UMAD1: variants seen among roughly 807,000 people sequenced by gnomAD.
UMAD1 encodes the protein UBAP1-MVB12-associated (UMA)-domain containing protein 1.
Under a neutral mutation model 6.1 loss-of-function variants are expected in UMAD1, and 8 were observed. The ratio of observed to expected loss-of-function variants is 1.30; its 90% confidence interval spans 0.76 to 2.35. The LOEUF is 2.35. Among genes scored for constraint, UMAD1 ranks in the 30% most tolerant of loss-of-function variants. The pLI is 0.00. For synonymous variants in UMAD1, 56 were observed against 31.4 expected (o/e 1.78, Z -2.61); for missense variants, 130 against 78.4 (o/e 1.66, Z -2.49).
At chr7:7,815,106 T>C (rs1783099729) in intron 3 of UMAD1, among the ~76,000 whole-genome samples, 1 of 152,136 alleles carries the variant, frequency 6.6e-6, no homozygotes, top group Admixed American at 6.5e-5. Flanking sequence ...CTTTCTAACT[T>C]AGAGAGAAAG....
Position 7,826,544 on chromosome 7 carries a change from A to G in UMAD1, c.156+24801A>G, listed in dbSNP as rs909488975. Among the ~76,000 whole-genome samples, 5 of 152,168 alleles carry G rather than the reference A, an allele frequency of 3.3e-5. No individual in the cohort carries two copies. In the South Asian group the frequency reaches 6.2e-4, roughly 19 times the overall value. ...ATTTCTTTCGCCTCAATTGGTGAAT[A>G]GAAAAATGGTTCTTGATTTTTCACC... On this transcript the variant is annotated intron_variant, in intron 3 of 3. Coordinates refer to ENST00000682710, the MANE Select transcript of UMAD1 (RefSeq NM_001302348.2).
intron 2 of UMAD1, among the ~76,000 whole-genome samples, chr7:7,778,124 GT>G (rs1233555141): frequency 6.6e-6 from 1 of 151,974 alleles, no homozygotes; most frequent in Non-Finnish European, 1.5e-5. Context: ...GCAATATTAG[GT>G]TCTCTGAAAA....
intron 3 of UMAD1, among the ~76,000 whole-genome samples, chr7:7,851,710 C>G (rs1783921386): frequency 6.6e-6 from 1 of 152,146 alleles, no homozygotes; most frequent in Admixed American, 6.5e-5. Flanking sequence ...TACTCATATC[C>G]TTCGCTTATT....
At chr7:7,854,286 C>A (rs148588614) in intron 3 of UMAD1, among the ~76,000 whole-genome samples, 80 of 130,764 alleles carry the variant, frequency 6.1e-4, no homozygotes, top group African/African-American at 2.3e-3. Context: ...ACCCGGGAGG[C>A]AGAGGTTGTG....
intron 3 of UMAD1, among the ~76,000 whole-genome samples, chr7:7,812,642 A>G (rs1783042569): frequency 6.6e-6 from 1 of 152,122 alleles, no homozygotes. Flanking sequence ...TTGAGATATT[A>G]TTATTTAAAA....
chr7:7,820,074 T>G, intron 3 of UMAD1, among the ~76,000 whole-genome samples: 1 of 152,148 alleles, frequency 6.6e-6, no homozygotes, highest in East Asian at 1.9e-4. Context: ...CTCAGGCAAA[T>G]TTTAGGGCAT....
chr7:7,708,862 A>C lies in UMAD1; in HGVS notation c.82+35409A>C, dbSNP rs181765737. Among the ~76,000 whole-genome samples, 46 of 152,184 alleles carry C rather than the reference A, an allele frequency of 3.0e-4. 1 individual carries two copies. The highest frequency in any genetic ancestry group is 1.1e-3 in the African/African-American group (44 of 41,534). ...CAAATGCATATGTATATATACAAATACAGGCAGTTGTATGTTTTTAAGAAG... is the reference window on the plus strand; with the variant it reads ...CAAATGCATATGTATATATACAAATCCAGGCAGTTGTATGTTTTTAAGAAG... On this transcript the variant is annotated intron_variant, in intron 2 of 3. Coordinates refer to ENST00000682710, the MANE Select transcript of UMAD1 (RefSeq NM_001302348.2).
At chr7:7,854,540 C>T (rs1783979110) in intron 3 of UMAD1, among the ~76,000 whole-genome samples, 1 of 151,934 alleles carries the variant, frequency 6.6e-6, no homozygotes, top group African/African-American at 2.4e-5. Flanking sequence ...CTTGTGAGAA[C>T]TCACTATCAC....
intron 1 of UMAD1, among the ~76,000 whole-genome samples, chr7:7,644,189 T>TTGAAC (rs1433154466): frequency 6.6e-6 from 1 of 152,226 alleles, no homozygotes; most frequent in Admixed American, 6.5e-5. Context: ...ACTGAAAAGT[T>TTGAAC]TGAACATTTT....
At chr7:7,735,344 T>A (rs1219503017) in intron 2 of UMAD1, among the ~76,000 whole-genome samples, 1 of 151,976 alleles carries the variant, frequency 6.6e-6, no homozygotes, top group Non-Finnish European at 1.5e-5. Flanking sequence ...AGACTTTTAA[T>A]CCAAGCTTAA....
At chr7:7,815,931 G>A (rs537480838) in intron 3 of UMAD1, among the ~76,000 whole-genome samples, 1 of 152,276 alleles carries the variant, frequency 6.6e-6, no homozygotes, top group African/African-American at 2.4e-5. Flanking sequence ...GGAGGTGGGG[G>A]AGGACAAATA....
chr7:7,847,102 AAAATATATATATATATATAT>A lies in UMAD1; in HGVS notation c.157-30177_157-30158del, dbSNP rs1306001899. Reference sequence around the variant, plus strand: ...GACAGCAATGCAAAAAAAAAAAAAAAAAATATATATATATATATATATATATATATATATATATATATATA... The same window carrying A: ...GACAGCAATGCAAAAAAAAAAAAAAAATATATATATATATATATATATATA... On this transcript the variant is annotated intron_variant, in intron 3 of 3. Transcript: ENST00000682710. Among the ~76,000 whole-genome samples the A allele has an allele frequency of 2.8e-3, 56 of 20,258 alleles. 6 individuals carry two copies. The highest frequency in any genetic ancestry group is 0.017 in the African/African-American group (52 of 3,124). 13.3% of individuals were successfully genotyped at this position (20,258 alleles called of 152,430 possible).
Position 7,762,623 on chromosome 7 carries a change from G to A in UMAD1, c.83-39047G>A, listed in dbSNP as rs937181251. On this transcript the variant is annotated intron_variant, in intron 2 of 3. Transcript: ENST00000682710. ...TTCAAGAGAGACTTGCTTAGTGGGAGAAGTAGATGCATATGCAACTGCTCC... is the reference window on the plus strand; with the variant it reads ...TTCAAGAGAGACTTGCTTAGTGGGAAAAGTAGATGCATATGCAACTGCTCC... Among the ~76,000 whole-genome samples the A allele has an allele frequency of 2.6e-5, 4 of 152,178 alleles. No homozygotes were observed. The South Asian group carries it at 8.3e-4, about 32-fold the overall frequency.
rs74407705 is a variant in UMAD1, at chr7:7,836,233, A to G, written c.156+34490A>G. Among the ~76,000 whole-genome samples the G allele has an allele frequency of 3.2e-4, 48 of 152,104 alleles. 1 individual carries two copies. In the East Asian group the frequency reaches 5.4e-3, roughly 17 times the overall value. On this transcript the variant is annotated intron_variant, in intron 3 of 3. Coordinates refer to ENST00000682710, the MANE Select transcript of UMAD1 (RefSeq NM_001302348.2). ...TAATTTTAGTGGTAAACGTGTTTAC[A>G]TATTACTTTATAAATGTCTTCAGTA...
intron 1 of UMAD1, among the ~76,000 whole-genome samples, chr7:7,660,328 A>T (rs1285271794): frequency 1.3e-5 from 2 of 152,144 alleles, no homozygotes; most frequent in East Asian, 3.9e-4. Context: ...TTATGTGTGA[A>T]TTTGATCCTG....
intron 3 of UMAD1, among the ~76,000 whole-genome samples, chr7:7,804,696 A>T (rs1024878702): frequency 6.6e-6 from 1 of 151,950 alleles, no homozygotes; most frequent in Non-Finnish European, 1.5e-5. Flanking sequence ...AAATACAAAA[A>T]TGAGGCCGGG....
At chr7:7,655,757 T>C (rs1199871682) in intron 1 of UMAD1, among the ~76,000 whole-genome samples, 1 of 151,986 alleles carries the variant, frequency 6.6e-6, no homozygotes, top group African/African-American at 2.4e-5. Flanking sequence ...AGGCTCTTTT[T>C]TATGTATTTT....
intron 1 of UMAD1, among the ~76,000 whole-genome samples, chr7:7,647,151 A>T (rs1310100319): frequency 6.6e-6 from 1 of 152,170 alleles, no homozygotes; most frequent in Non-Finnish European, 1.5e-5. Context: ...GTTATCTTTG[A>T]CTAGAGCTTT....
chr7:7,872,383 T>C (rs2115342238), intron 3 of UMAD1, among the ~76,000 whole-genome samples: 1 of 152,236 alleles, frequency 6.6e-6, no homozygotes, highest in South Asian at 2.1e-4. Context: ...GAGAGGCAGA[T>C]AGGGGAATGG....
Sources: gnomAD v4.1 joint callset for allele counts (sites outside exome capture counted in the v4.1 genomes callset) on GRCh38, gnomAD v4.1.1 for gene constraint, MANE v1.5 for transcripts, NCBI Gene and HGNC (gene_info 2026-07-23, HGNC 2026-07-21) for gene names.